The following SCRG1 variants were observed in gnomAD, a reference collection of about 807,000 sequenced individuals.
SCRG1 encodes scrapie-responsive protein 1.
SCRG1 carries 3 observed loss-of-function variants against 7.7 expected under a neutral mutation model. The ratio of observed to expected loss-of-function variants is 0.39; its 90% CI spans 0.18 to 1.01. The LOEUF (loss-of-function observed/expected upper bound fraction) is 1.01, where lower values mean the gene tolerates loss of function less well. SCRG1 is among the 50% of genes least tolerant of loss of function. The pLI is 0.36. For missense variants in SCRG1, 110 were observed against 117.2 expected (o/e 0.94, Z 0.28); for synonymous variants, 46 against 41.2 (o/e 1.12, Z -0.44).
chr4:173,465,320 C>T, the SCRG1 span, among the ~76,000 whole-genome samples: 1 of 152,156 alleles, frequency 6.6e-6, no homozygotes, highest in Non-Finnish European at 1.5e-5. Context: ...TCCTGACCTT[C>T]CCTTTTTTCC....
the SCRG1 span, among the ~76,000 whole-genome samples, chr4:173,422,148 G>A: frequency 6.6e-6 from 1 of 152,162 alleles, no homozygotes; most frequent in East Asian, 1.9e-4. Context: ...ACTTTAATGT[G>A]GTACAAATGC....
chr4:173,471,218 CA>C, the SCRG1 span, among the ~76,000 whole-genome samples: 1 of 152,140 alleles, frequency 6.6e-6, no homozygotes, highest in Non-Finnish European at 1.5e-5. Context: ...TGTATAATGG[CA>C]AGCACATGGT....
chr4:173,420,460 T>TATTTTGTACCAA, the SCRG1 span, among the ~76,000 whole-genome samples: 49 of 152,264 alleles, frequency 3.2e-4, no homozygotes, highest in African/African-American at 9.9e-4. Flanking sequence ...GAAAGAATGG[T>TATTTTGTACCAA]AGCTGTTGTA....
chr4:173,491,813 T>C, the SCRG1 span, among the ~76,000 whole-genome samples: 1 of 151,698 alleles, frequency 6.6e-6, no homozygotes, highest in African/African-American at 2.4e-5. Context: ...TACTGGGGAG[T>C]GAATGTCCAG....
chr4:173,472,590 G>A, the SCRG1 span, among the ~76,000 whole-genome samples: 1 of 152,186 alleles, frequency 6.6e-6, no homozygotes, highest in East Asian at 1.9e-4. Flanking sequence ...CTGACCCAAG[G>A]CTCAAGAAGA....
At chr4:173,483,049 A>C in the SCRG1 span, among the ~76,000 whole-genome samples, 2 of 109,610 alleles carry the variant, frequency 1.8e-5, no homozygotes, top group African/African-American at 3.4e-5. Flanking sequence ...TGTATATTTT[A>C]TATATAATAT....
chr4:173,518,298 T>G, the SCRG1 span, among the ~76,000 whole-genome samples: 1 of 152,186 alleles, frequency 6.6e-6, no homozygotes, highest in Non-Finnish European at 1.5e-5. Flanking sequence ...GGAGCCAGTC[T>G]TGGATACCTA....
the SCRG1 span, among the ~76,000 whole-genome samples, chr4:173,509,660 C>T: frequency 6.6e-6 from 1 of 152,128 alleles, no homozygotes; most frequent in African/African-American, 2.4e-5. The surrounding 1 kb of genome is among the most constrained non-coding windows in gnomAD (Gnocchi z 5.7). Context: ...GCTCCTGGGC[C>T]GCGCGGCTGC....
intron 1 of SCRG1, among the ~76,000 whole-genome samples, chr4:173,393,090 C>T (rs998020828): frequency 3.8e-5 from 4 of 105,896 alleles, no homozygotes; most frequent in South Asian, 2.9e-4. Flanking sequence ...GACTCCGTCT[C>T]GAAAAAAAAA....
the SCRG1 span, among the ~76,000 whole-genome samples, chr4:173,486,039 A>T: frequency 2.6e-5 from 4 of 152,190 alleles, no homozygotes; most frequent in Admixed American, 1.3e-4. Context: ...CAAAGGCATG[A>T]TTTAATTTAG....
the SCRG1 span, among the ~76,000 whole-genome samples, chr4:173,417,681 A>T: frequency 2.7e-4 from 39 of 145,734 alleles, no homozygotes; most frequent in Non-Finnish European, 8.9e-5. Flanking sequence ...TCCAGGCTGG[A>T]GTGCTGTGGT....
At chr4:173,436,341 C>T in the SCRG1 span, among the ~76,000 whole-genome samples, 7 of 152,254 alleles carry the variant, frequency 4.6e-5, no homozygotes, top group South Asian at 1.0e-3. Flanking sequence ...ACATTCCACA[C>T]GAATCCATCA....
the SCRG1 span, among the ~76,000 whole-genome samples, chr4:173,514,984 C>T: frequency 6.6e-6 from 1 of 152,276 alleles, no homozygotes; most frequent in South Asian, 2.1e-4. Flanking sequence ...GGCCTTTTCC[C>T]ACAAAGGCAG....
At chr4:173,400,554 A>G (rs1739735025), upstream of SCRG1, among the ~76,000 whole-genome samples, 1 of 152,246 alleles carries the variant, frequency 6.6e-6, no homozygotes, top group Non-Finnish European at 1.5e-5. Context: ...TCAACTCAAT[A>G]TCAAATAATC....
chr4:173,415,504 G>T, the SCRG1 span, among the ~76,000 whole-genome samples: 1 of 152,150 alleles, frequency 6.6e-6, no homozygotes, highest in Non-Finnish European at 1.5e-5. Flanking sequence ...CATTATATCA[G>T]TCTCTGTGCT....
chr4:173,423,506 T>TA, the SCRG1 span, among the ~76,000 whole-genome samples: 974 of 152,288 alleles, frequency 6.4e-3, 4 homozygotes, highest in Non-Finnish European at 0.011. Flanking sequence ...CAGCGTTTGC[T>TA]AAAAAAGTTA....
At chr4:173,486,757 C>CA in the SCRG1 span, among the ~76,000 whole-genome samples, 2 of 152,054 alleles carry the variant, frequency 1.3e-5, no homozygotes, top group Non-Finnish European at 2.9e-5. Context: ...ACTGGGGTGT[C>CA]AAAGTCAAGC....
the SCRG1 span, among the ~76,000 whole-genome samples, chr4:173,503,483 G>A: frequency 1.3e-5 from 2 of 152,286 alleles, no homozygotes; most frequent in African/African-American, 4.8e-5. The surrounding 1 kb of genome is among the most constrained non-coding windows in gnomAD (Gnocchi z 6.4). Context: ...GTCTTGGGGT[G>A]GGGAGGGGAG....
chr4:173,415,190 G>A, the SCRG1 span, among the ~76,000 whole-genome samples: 1 of 152,216 alleles, frequency 6.6e-6, no homozygotes, highest in African/African-American at 2.4e-5. Context: ...AATAGGAGAT[G>A]CATTCACTGC....
Sources: gnomAD v4.1 joint callset for allele counts (sites outside exome capture counted in the v4.1 genomes callset) on GRCh38, gnomAD v4.1.1 for gene constraint, Gnocchi (gnomAD v3.1) non-coding constraint, MANE v1.5 for transcripts, NCBI Gene and HGNC (gene_info 2026-07-23, HGNC 2026-07-21) for gene names.